The following PDS5A variants were observed in gnomAD, a reference collection of about 807,000 sequenced individuals.
The protein encoded by PDS5A is sister chromatid cohesion protein PDS5 homolog A.
PDS5A carries 42 observed loss-of-function variants against 167.1 expected under a neutral mutation model. The observed-to-expected ratio is 0.25, with a 90% CI of 0.20 to 0.33. The LOEUF (loss-of-function observed/expected upper bound fraction) is 0.33, where lower values mean the gene tolerates loss of function less well. Among genes scored for constraint, PDS5A ranks in the 10% least tolerant of loss-of-function variants. PDS5A has a pLI of 1.00. For synonymous variants in PDS5A, 553 were observed against 554.6 expected (o/e 1.00, Z 0.04); for missense variants, 1,033 against 1,605.9 (o/e 0.64, Z 6.10).
intron 2 of PDS5A, among the ~76,000 whole-genome samples, chr4:39,961,200 A>T (rs1331940901): frequency 1.3e-5 from 2 of 152,318 alleles, no homozygotes; most frequent in African/African-American, 2.4e-5. Context: ...TGAAAAGTAT[A>T]ATCTTGGATT....
chr4:39,835,671 C>A (rs1204168184), intron 32 of PDS5A, among the ~76,000 whole-genome samples: 1 of 152,140 alleles, frequency 6.6e-6, no homozygotes, highest in African/African-American at 2.4e-5. Flanking sequence ...TACAGGTGTG[C>A]ACCACCAAGC....
chr4:39,950,680 T>C (rs1728265421), intron 2 of PDS5A, among the ~76,000 whole-genome samples: 1 of 151,894 alleles, frequency 6.6e-6, no homozygotes, highest in Non-Finnish European at 1.5e-5. Flanking sequence ...TACCAGGTCA[T>C]GGGTTCAAAA....
chr4:39,954,901 G>A (rs561919471), intron 2 of PDS5A, among the ~76,000 whole-genome samples: 178 of 151,958 alleles, frequency 1.2e-3, no homozygotes, highest in African/African-American at 4.2e-3. Context: ...TTAGCTAGGC[G>A]TGGTAGCACA....
intron 23 of PDS5A, among the ~76,000 whole-genome samples, chr4:39,866,325 G>A (rs1229765039): frequency 6.6e-6 from 1 of 151,826 alleles, no homozygotes; most frequent in Non-Finnish European, 1.5e-5. Context: ...CACCATATTG[G>A]CCAGGCTGGT....
intron 12 of PDS5A, among the ~76,000 whole-genome samples, chr4:39,903,565 G>A (rs568271752): frequency 5.3e-5 from 8 of 152,352 alleles, no homozygotes; most frequent in African/African-American, 1.4e-4. Context: ...TGGTAGTGGT[G>A]TAAAAAGGAA....
chr4:39,906,963 A>G (rs1723434223), intron 11 of PDS5A, among the ~76,000 whole-genome samples: 1 of 151,308 alleles, frequency 6.6e-6, no homozygotes, highest in Non-Finnish European at 1.5e-5. Flanking sequence ...AAATCTTAAG[A>G]TGAAATCCTG....
At chr4:39,950,408 G>C (rs1728239229) in intron 2 of PDS5A, among the ~76,000 whole-genome samples, 1 of 151,692 alleles carries the variant, frequency 6.6e-6, no homozygotes, top group South Asian at 2.1e-4. Context: ...CAGCCTGGGT[G>C]ACAGAGCAAG....
In PDS5A at chr4:39,950,672, C is replaced by A. The variant is rs187673603; in HGVS notation, c.139-22508G>T. 3.3e-3 allele frequency among the ~76,000 whole-genome samples: 509 copies of A among 152,236 alleles called. 2 individuals are homozygous for A. Among genetic ancestry groups the A allele is most frequent in the Non-Finnish European group, 5.9e-3 (402 of 68,024 alleles). On this transcript the variant is annotated intron_variant, in intron 2 of 32. Coordinates refer to ENST00000303538, the MANE Select transcript of PDS5A (RefSeq NM_001100399.2). ...CCATCTCAGCTCACTGCAACCTCTA[C>A]CAGGTCATGGGTTCAAAAGATTCTC...
At chr4:39,907,443 T>C (rs1164626645) in intron 11 of PDS5A, among the ~76,000 whole-genome samples, 1 of 152,196 alleles carries the variant, frequency 6.6e-6, no homozygotes, top group African/African-American at 2.4e-5. Flanking sequence ...AATAATAGCA[T>C]GTTGCAAGGT....
In PDS5A at chr4:39,902,330, T is replaced by C; in HGVS notation, c.1499+17A>G. On this transcript the variant is annotated intron_variant, in intron 13 of 32. Coordinates refer to ENST00000303538, the MANE Select transcript of PDS5A (RefSeq NM_001100399.2). ...AAATCCTTAGAAAATACAGCAGTTA[T>C]TTGAAAAGTAACTTACTTTACAGCA... The C allele has an allele frequency of 4.4e-6, 5 of 1,129,696 alleles. No homozygotes were observed. In the East Asian group the frequency reaches 9.5e-5, roughly 22 times the overall value. The allele number at this position is 1,129,696 out of a possible 1,614,324, so 70.0% of individuals were successfully genotyped here.
intron 16 of PDS5A, among the ~76,000 whole-genome samples, chr4:39,891,388 C>G (rs1176493325): frequency 4.0e-5 from 6 of 151,838 alleles, no homozygotes; most frequent in Non-Finnish European, 8.8e-5. Context: ...GTGGCTCACG[C>G]CTGTAATCCC....
chr4:39,868,442 C>A (rs1241387551), intron 22 of PDS5A, among the ~76,000 whole-genome samples: 1 of 152,224 alleles, frequency 6.6e-6, no homozygotes, highest in African/African-American at 2.4e-5. Flanking sequence ...GACTGTCCTG[C>A]CTCAGCCTCC....
At chr4:39,943,620 CAAAAAAAA>C (rs67431661) in intron 2 of PDS5A, among the ~76,000 whole-genome samples, 1 of 109,806 alleles carries the variant, frequency 9.1e-6, no homozygotes, top group Admixed American at 1.0e-4. Flanking sequence ...CCCGTTTCTA[CAAAAAAAA>C]AAAAAAAAAA....
chr4:39,829,525 T>C (rs951529700), intron 32 of PDS5A, among the ~76,000 whole-genome samples: 1 of 151,692 alleles, frequency 6.6e-6, no homozygotes, highest in Non-Finnish European at 1.5e-5. Context: ...CACACACCTG[T>C]AGTTCTAGCT....
At chr4:39,867,779 A>C (rs372308571) in intron 22 of PDS5A, among the ~76,000 whole-genome samples, 39 of 136,688 alleles carry the variant, frequency 2.9e-4, no homozygotes, top group African/African-American at 9.7e-4. Flanking sequence ...CACACACCCC[A>C]CAACTGTACT....
At chr4:39,875,446 T>C (rs893627254) in intron 19 of PDS5A, among the ~76,000 whole-genome samples, 2 of 152,162 alleles carry the variant, frequency 1.3e-5, no homozygotes, top group Admixed American at 6.5e-5. Context: ...GGAAAGATAT[T>C]TGTCATATAT....
Position 39,904,096 on chromosome 4 carries a change from G to A in PDS5A, c.1329C>T (p.Val443=), listed in dbSNP as rs766740882. ...GCAGAAGTTTGTCCTTTATCCAGCT[G>A]ACTTTCTCTGCAGCTTCCTTTCCTG... The part of the protein sequence containing the change: ...GEAGKEAAEK[V]SWIKDKLLHI... Residue 443 remains valine, a synonymous_variant, in exon 12 of 33, where the codon GTC becomes GTT. Coordinates refer to ENST00000303538, the MANE Select transcript of PDS5A (RefSeq NM_001100399.2). The A allele has an allele frequency of 6.2e-7, 1 of 1,611,866 alleles. No homozygotes were observed. The highest frequency in any genetic ancestry group is 2.2e-5 in the East Asian group (1 of 44,798).
In PDS5A at chr4:39,928,781, C is replaced by T. The variant is rs1197174043; in HGVS notation, c.139-617G>A. Among the ~76,000 whole-genome samples the T allele has an allele frequency of 2.0e-5, 3 of 149,524 alleles. No homozygotes were observed. The East Asian group carries it at 5.9e-4, about 29-fold the overall frequency. On this transcript the variant is annotated intron_variant, in intron 2 of 32. Coordinates refer to ENST00000303538, the MANE Select transcript of PDS5A (RefSeq NM_001100399.2). ...CGGAGGCTGCAGTGCGCCAAGATCA[C>T]ACCACTGCAATCCAGACTAGGCAAC... is the stretch of plus-strand genomic sequence containing the variant.
At chr4:39,948,024 G>C (rs1302827632) in intron 2 of PDS5A, among the ~76,000 whole-genome samples, 1 of 152,052 alleles carries the variant, frequency 6.6e-6, no homozygotes, top group Admixed American at 6.6e-5. Context: ...GACAAGGAGG[G>C]AGGATGCCTT....
Sources: allele counts gnomAD v4.1 joint callset (sites outside exome capture counted in the v4.1 genomes callset), GRCh38; gene constraint gnomAD v4.1.1; transcripts MANE v1.5; gene names NCBI Gene and HGNC (gene_info 2026-07-23, HGNC 2026-07-21).